The following RAPGEF1 variants were observed in gnomAD, a reference collection of about 807,000 sequenced individuals.
RAPGEF1 encodes the protein Rap guanine nucleotide exchange factor 1, also known as CRK SH3-binding GNRP.
RAPGEF1 carries 33 observed loss-of-function variants against 143.3 expected under a neutral mutation model. The ratio of observed to expected loss-of-function variants is 0.23; its 90% CI spans 0.17 to 0.31. RAPGEF1 has a LOEUF of 0.31. Ranked by LOEUF, RAPGEF1 falls within the 10% of genes least tolerant of loss-of-function variation. The probability of loss-of-function intolerance (pLI) is 1.00; values close to 1 mark genes in which losing one functional copy is unlikely to be tolerated. For missense variants in RAPGEF1, 1,199 were observed against 1,645.4 expected (o/e 0.73, Z 4.69); for synonymous variants, 629 against 676.5 (o/e 0.93, Z 1.09).
intron 12 of RAPGEF1, among the ~76,000 whole-genome samples, chr9:131,608,824 TACC>T (rs1242829337): frequency 6.6e-6 from 1 of 152,150 alleles, no homozygotes; most frequent in Non-Finnish European, 1.5e-5. Flanking sequence ...CCCCCATCTC[TACC>T]GATTCCCCAG....
At chr9:131,711,119 T>C (rs1205964576) in intron 1 of RAPGEF1, among the ~76,000 whole-genome samples, 1 of 149,170 alleles carries the variant, frequency 6.7e-6, no homozygotes, top group African/African-American at 2.5e-5. Flanking sequence ...GGTGCAATCA[T>C]GGCTCACTGC....
Position 131,650,749 on chromosome 9 carries a change from C to T in RAPGEF1, c.201+61G>A, listed in dbSNP as rs1970873153. The T allele has an allele frequency of 1.4e-5, 22 of 1,582,504 alleles. No homozygotes were observed. Among genetic ancestry groups the T allele is most frequent in the East Asian group, 4.5e-5 (2 of 44,710 alleles). ...ATCCCCAGGGAGGGAACATACAAAT[C>T]GCACAAACTCATATTGCTGGAAGCA... On this transcript the variant is annotated intron_variant, in intron 2 of 26. Transcript: ENST00000683357. The surrounding 1 kb of genome is among the most constrained non-coding windows in gnomAD (Gnocchi z 4.7).
rs149237570 is a variant in RAPGEF1, at chr9:131,637,420, G to T, written c.651+1215C>A. Among the ~76,000 whole-genome samples the T allele has an allele frequency of 8.7e-4, 132 of 152,238 alleles. 1 individual carries two copies. In the East Asian group the frequency reaches 0.023, roughly 26 times the overall value. On this transcript the variant is annotated intron_variant, in intron 5 of 26. Coordinates refer to ENST00000683357, the MANE Select transcript of RAPGEF1 (RefSeq NM_001377935.1). ...ATTCTGGAGCAATTTGCAATGCTGA[G>T]CAATGCTTTCTCAGCCTCTCTCTAT...
intron 1 of RAPGEF1, among the ~76,000 whole-genome samples, chr9:131,659,881 T>C (rs1196514232): frequency 2.0e-5 from 3 of 152,076 alleles, no homozygotes; most frequent in East Asian, 1.9e-4. Context: ...TGCAGTGGCG[T>C]GATCTCGGCT....
intron 1 of RAPGEF1, among the ~76,000 whole-genome samples, chr9:131,712,096 G>C (rs1337849530): frequency 6.6e-6 from 1 of 152,166 alleles, no homozygotes; most frequent in Non-Finnish European, 1.5e-5. Context: ...GCATGTGTCT[G>C]TCGCACCGTC....
Position 131,629,087 on chromosome 9 carries a change from T to C in RAPGEF1, c.893+15A>G, listed in dbSNP as rs868255816. 5 of 1,609,494 alleles carry C rather than the reference T, an allele frequency of 3.1e-6. No individual in the cohort carries two copies. The highest frequency in any genetic ancestry group is 1.3e-5 in the African/African-American group (1 of 74,742). On this transcript the variant is annotated intron_variant, in intron 7 of 26. Coordinates refer to ENST00000683357, the MANE Select transcript of RAPGEF1 (RefSeq NM_001377935.1). ...TCTGCCATGGGAGGCACTGGACAAA[T>C]AGGAAGGTAATTACCTATTATCAAC... is the stretch of plus-strand genomic sequence containing the variant.
chr9:131,702,521 G>A (rs1834737230), intron 1 of RAPGEF1, among the ~76,000 whole-genome samples: 1 of 152,198 alleles, frequency 6.6e-6, no homozygotes, highest in African/African-American at 2.4e-5. Flanking sequence ...AATGGTGTTT[G>A]TAAGTGTAGT....
chr9:131,682,532 G>A (rs1275610532), intron 1 of RAPGEF1, among the ~76,000 whole-genome samples: 1 of 152,200 alleles, frequency 6.6e-6, no homozygotes, highest in Non-Finnish European at 1.5e-5. Flanking sequence ...CTAGTTTTAA[G>A]TTTAAAAGGG....
intron 1 of RAPGEF1, among the ~76,000 whole-genome samples, chr9:131,659,209 G>A (rs968971714): frequency 6.6e-6 from 1 of 152,202 alleles, no homozygotes; most frequent in Non-Finnish European, 1.5e-5. Context: ...CTTTTTTAAA[G>A]ATGAGGATTT....
Position 131,587,305 on chromosome 9 carries a change from A to AACACACACAC in RAPGEF1, c.3233+421_3233+430dup, listed in dbSNP as rs71374114. On this transcript the variant is annotated intron_variant, in intron 22 of 26. Transcript: ENST00000683357. Reference sequence around the variant, plus strand: ...ACCTGCAGAGCGAGACTCCGTCTCAAACACACACACACACACACACACGAA... The same window carrying AACACACACAC: ...ACCTGCAGAGCGAGACTCCGTCTCAAACACACACACACACACACACACACACACACACGAA... Among the ~76,000 whole-genome samples, 2 of 88,404 alleles carry AACACACACAC rather than the reference A, an allele frequency of 2.3e-5. 1 individual carries two copies. The highest frequency in any genetic ancestry group is 9.1e-5 in the African/African-American group (2 of 21,952). 58.0% of individuals were successfully genotyped at this position (88,404 alleles called of 152,430 possible). A position where few individuals can be genotyped will look rare whatever the true frequency, so the allele number is the denominator to read the frequency against.
intron 1 of RAPGEF1, among the ~76,000 whole-genome samples, chr9:131,656,838 G>T (rs1021136483): frequency 1.3e-5 from 2 of 152,222 alleles, no homozygotes; most frequent in African/African-American, 4.8e-5. Context: ...CACAATTCTT[G>T]TCTGCCTTGG....
At chr9:131,625,850 T>C (rs1036370682) in intron 10 of RAPGEF1, 72 bp downstream of exon 10, 5 of 1,488,398 alleles carry the variant, frequency 3.4e-6, no homozygotes, top group Non-Finnish European at 3.6e-6. Context: ...TCTGGTCTAA[T>C]GCTGAAATAA....
At chr9:131,724,243 C>A (rs1201277255) in intron 1 of RAPGEF1, among the ~76,000 whole-genome samples, 1 of 152,172 alleles carries the variant, frequency 6.6e-6, no homozygotes, top group Non-Finnish European at 1.5e-5. Context: ...TTCAGACATG[C>A]TTTCAGGAAG....
At chr9:131,656,128 T>C (rs976824662) in intron 1 of RAPGEF1, among the ~76,000 whole-genome samples, 1 of 152,220 alleles carries the variant, frequency 6.6e-6, no homozygotes, top group Non-Finnish European at 1.5e-5. Flanking sequence ...CTTGGATGCA[T>C]AGCAAGGTCG....
chr9:131,710,041 T>C, intron 1 of RAPGEF1: 1 of 696,414 alleles, frequency 1.4e-6, no homozygotes, highest in Non-Finnish European at 1.8e-6. Flanking sequence ...GTCCAAATAC[T>C]TTTAATACCA....
At chr9:131,587,327 C>CACA (rs200893627) in intron 22 of RAPGEF1, among the ~76,000 whole-genome samples, 1 of 151,532 alleles carries the variant, frequency 6.6e-6, no homozygotes, top group Admixed American at 6.6e-5. Context: ...CACACACACA[C>CACA]GAATTAAAGA....
intron 1 of RAPGEF1, among the ~76,000 whole-genome samples, chr9:131,702,427 C>G (rs1475931948): frequency 6.6e-6 from 1 of 152,200 alleles, no homozygotes; most frequent in Non-Finnish European, 1.5e-5. Context: ...AATTTTATAA[C>G]AAAATGGATT....
chr9:131,710,510 G>A (rs1003564926), intron 1 of RAPGEF1, among the ~76,000 whole-genome samples: 10 of 152,206 alleles, frequency 6.6e-5, no homozygotes, highest in African/African-American at 2.4e-4. Flanking sequence ...TGTCGAGGTG[G>A]ATGAAAAGAT....
At chr9:131,602,471 G>A (rs1232466805) in intron 14 of RAPGEF1, among the ~76,000 whole-genome samples, 3 of 152,170 alleles carry the variant, frequency 2.0e-5, no homozygotes, top group Non-Finnish European at 4.4e-5. Flanking sequence ...CTGGGCTCTA[G>A]GCTGTGCCCA....
Sources: gnomAD v4.1 joint callset for allele counts (sites outside exome capture counted in the v4.1 genomes callset) on GRCh38, gnomAD v4.1.1 for gene constraint, Gnocchi (gnomAD v3.1) non-coding constraint, MANE v1.5 for transcripts, NCBI Gene and HGNC (gene_info 2026-07-23, HGNC 2026-07-21) for gene names.